Variants in TMEM94 observed in about 807,000 individuals in gnomAD.
TMEM94 encodes transmembrane protein 94, also known as ER Mg2+ ATPase.
In TMEM94, 81 loss-of-function variants were observed where a neutral mutation model predicts 158.6. That is an observed-to-expected ratio of 0.51 (90% confidence interval 0.43 to 0.61). The LOEUF (loss-of-function observed/expected upper bound fraction) is 0.61. Ranked by LOEUF, TMEM94 falls within the 20% of genes least tolerant of loss-of-function variation. The pLI is 0.00. For synonymous variants in TMEM94, 751 were observed against 730.7 expected (o/e 1.03, Z -0.45); for missense variants, 1,435 against 1,762.0 (o/e 0.81, Z 3.32).
intron 2 of TMEM94, among the ~76,000 whole-genome samples, chr17:75,480,344 C>T (rs2051063241): frequency 6.6e-6 from 1 of 152,256 alleles, no homozygotes; most frequent in African/African-American, 2.4e-5. Flanking sequence ...CTTTAATCAC[C>T]AGTCTGGAGC....
At chr17:75,488,172 G>A (rs1327942141) in intron 6 of TMEM94, 38 bp downstream of exon 6, 1 of 1,601,006 alleles carries the variant, frequency 6.2e-7, no homozygotes, top group African/African-American at 1.3e-5. Context: ...GAAATGCGGT[G>A]GGAACATCCA....
rs1289379335 is a variant in TMEM94 at position 75,494,949 on chromosome 17, C to G, written c.2643C>G (p.Leu881=). 1.2e-6 allele frequency: 2 copies of G among 1,613,398 alleles called. No homozygotes were observed. The highest frequency in any genetic ancestry group is 4.5e-5 in the East Asian group (2 of 44,890). Reference sequence around the variant, plus strand: ...CAGGCTGGAACTGCCACATCTCCCTCACACCCAATGGTGACATGCCTGGCT... The same window carrying G: ...CAGGCTGGAACTGCCACATCTCCCTGACACCCAATGGTGACATGCCTGGCT... The part of the protein sequence containing the change: ...LETGWNCHIS[L]TPNGDMPGSE... Residue 881 remains leucine (L), a synonymous_variant, in exon 20 of 32, where the codon CTC becomes CTG. Coordinates refer to ENST00000314256, the MANE Select transcript of TMEM94 (RefSeq NM_014738.6).
At chr17:75,457,111 C>A (rs1212530427) in intron 1 of TMEM94, among the ~76,000 whole-genome samples, 1 of 152,170 alleles carries the variant, frequency 6.6e-6, no homozygotes, top group Non-Finnish European at 1.5e-5. Flanking sequence ...TATTTCGAGG[C>A]CCCTGGGAGT....
chr17:75,465,851 T>C (rs1391510053), intron 1 of TMEM94, among the ~76,000 whole-genome samples: 1 of 151,782 alleles, frequency 6.6e-6, no homozygotes, highest in Non-Finnish European at 1.5e-5. Flanking sequence ...AATTTTTTTA[T>C]GGCATATTTT....
At position 75,491,214 on chromosome 17, in the gene TMEM94, C is replaced by A; in HGVS notation, c.1233+61C>A. On this transcript the variant is annotated intron_variant, in intron 12 of 31. Coordinates refer to ENST00000314256, the MANE Select transcript of TMEM94 (RefSeq NM_014738.6). The surrounding 1 kb of genome is among the most constrained non-coding windows in gnomAD (Gnocchi z 5.1). Reference sequence around the variant, plus strand: ...ATGCCCGCCCTGCTCTCTGGCTGGGCCTGGGCTGCCCACCTGCCGCTTGAG... The same window carrying A: ...ATGCCCGCCCTGCTCTCTGGCTGGGACTGGGCTGCCCACCTGCCGCTTGAG... 1 of 1,596,862 alleles carries A rather than the reference C, an allele frequency of 6.3e-7. No individual in the cohort carries two copies.
At chr17:75,494,592 C>G in intron 18 of TMEM94, 35 bp from the exon 19 acceptor site, 1 of 1,605,390 alleles carries the variant, frequency 6.2e-7, no homozygotes, top group South Asian at 1.1e-5. Flanking sequence ...CCTGGGTGTC[C>G]TGATCGGGCT....
Position 75,491,932 on chromosome 17 carries a change from A to C in TMEM94, c.1596+32A>C, listed in dbSNP as rs1277677298. On this transcript the variant is annotated intron_variant, in intron 14 of 31. Coordinates refer to ENST00000314256, the MANE Select transcript of TMEM94 (RefSeq NM_014738.6). This position sits in a 1 kb window ranked among gnomAD's most constrained non-coding sequence, Gnocchi z 5.1. ...GGAGGGGGTGGCACGGGGCAGCCAC[A>C]CCCTCGGCCACAGGCTGTCCTGGCC... is the stretch of plus-strand genomic sequence containing the variant. 5.1e-6 allele frequency: 8 copies of C among 1,572,752 alleles called. No individual in the cohort carries two copies. The highest frequency in any genetic ancestry group is 6.1e-6 in the Non-Finnish European group (7 of 1,156,660).
chr17:75,473,606 G>C (rs1030580423), intron 2 of TMEM94, among the ~76,000 whole-genome samples: 6 of 152,208 alleles, frequency 3.9e-5, no homozygotes, highest in African/African-American at 1.4e-4. Context: ...GAAGACTTGA[G>C]AACCCAGCTG....
chr17:75,498,277 T>C lies in TMEM94; in HGVS notation c.3592T>C (p.Ser1198Pro). Residue 1198 changes from serine to proline, a missense_variant, in exon 28 of 32, where the codon TCC becomes CCC. Physicochemically the swap from Ser to Pro is moderately conservative, Grantham distance 74. Coordinates refer to ENST00000314256, the MANE Select transcript of TMEM94 (RefSeq NM_014738.6). The surrounding 1 kb of genome is among the most constrained non-coding windows in gnomAD (Gnocchi z 6.7). Reference sequence around the variant, plus strand: ...CACACTGCAGAGCTTCTGTGACAGCTCCCGGGACCGCAACCTCACCAACTG... The same window carrying C: ...CACACTGCAGAGCTTCTGTGACAGCCCCCGGGACCGCAACCTCACCAACTG... ...GFTLQSFCDS[S>P]RDRNLTNCSS... The C allele has an allele frequency of 1.2e-6, 2 of 1,613,486 alleles. No homozygotes were observed. Among genetic ancestry groups the C allele is most frequent in the South Asian group, 2.2e-5 (2 of 91,082 alleles).
chr17:75,494,024 G>A, intron 18 of TMEM94, 108 bp downstream of exon 18: 1 of 1,060,644 alleles, frequency 9.4e-7, no homozygotes. Flanking sequence ...CCACAGCAAA[G>A]GGGGCAGTGG....
Position 75,495,032 on chromosome 17 carries a change from A to C in TMEM94, c.2726A>C (p.Gln909Pro). ...HAGSLHDDLN[Q>P]VSRDDAEGLL... ...GGCTCCCTGCATGATGACCTGAATC[A>C]GGGTAAGGGCAAAGGCGTGGGGTGG... The change falls in exon 20 of 32, where the codon CAG (glutamine) becomes CCG (proline). Residue 909 changes from glutamine (Q) to proline (P), a missense_variant and splice_region_variant. Physicochemically the swap from Gln to Pro is moderately conservative, Grantham distance 76. Coordinates refer to ENST00000314256, the MANE Select transcript of TMEM94 (RefSeq NM_014738.6). This position sits in a 1 kb window ranked among gnomAD's most constrained non-coding sequence, Gnocchi z 5.6. The C allele has an allele frequency of 7.4e-7, 1 of 1,359,632 alleles. No individual in the cohort carries two copies. The highest frequency in any genetic ancestry group is 9.9e-7 in the Non-Finnish European group (1 of 1,012,944). 84.2% of individuals were successfully genotyped at this position (1,359,632 alleles called of 1,614,324 possible).
rs2051561570 is a variant in TMEM94, at chr17:75,485,959, T to C, written c.233T>C (p.Leu78Pro). The change falls in exon 4 of 32, where the codon CTG becomes CCG. Residue 78 changes from leucine (L) to proline (P), a missense_variant. Transcript: ENST00000314256. This position sits in a 1 kb window ranked among gnomAD's most constrained non-coding sequence, Gnocchi z 5.5. ...GCCTCACTCATGCTACTGGCCGTGC[T>C]GCTGCTGCTGGGCTGCTGCGGGGGA... ...PGASLMLLAVLLLLGCCGGQP... is the reference protein window; with the variant it reads ...PGASLMLLAVPLLLGCCGGQP... 2.5e-6 allele frequency: 4 copies of C among 1,613,404 alleles called. No individual in the cohort carries two copies. The highest frequency in any genetic ancestry group is 3.4e-6 in the Non-Finnish European group (4 of 1,179,874).
chr17:75,490,964 T>C, intron 11 of TMEM94, 85 bp from the exon 12 acceptor site: 2 of 1,160,722 alleles, frequency 1.7e-6, no homozygotes, highest in East Asian at 2.4e-5. Context: ...TTCGTGGTGC[T>C]CCCCTGGATT....
chr17:75,465,679 A>ATATATATATATATATATATATTT (rs1247855961), intron 1 of TMEM94, among the ~76,000 whole-genome samples: 3 of 124,818 alleles, frequency 2.4e-5, no homozygotes, highest in African/African-American at 1.1e-4. Context: ...ATATATATAT[A>ATATATATATATATATATATATTT]TTTTTTTTTA....
chr17:75,497,325 T>C (rs1229269006), intron 26 of TMEM94, 127 bp downstream of exon 26: 1 of 645,350 alleles, frequency 1.5e-6, no homozygotes, highest in Non-Finnish European at 2.7e-6. Context: ...ACAGGAGGCA[T>C]GGAGGGAACC....
Position 75,488,881 on chromosome 17 carries a change from C to T in TMEM94, c.735C>T (p.Val245=), listed in dbSNP as rs2051874400. 1.2e-6 allele frequency: 2 copies of T among 1,605,628 alleles called. No individual in the cohort carries two copies. The highest frequency in any genetic ancestry group is 8.5e-7 in the Non-Finnish European group (1 of 1,174,734). The part of the protein sequence containing the change: ...QSPQQHRLFR[V]LETPVIDNIR... ...CCCAGCAGCACCGGCTTTTCCGTGTCCTTGAGACCCCTGTGATTGACAACA... is the reference window on the plus strand; with the variant it reads ...CCCAGCAGCACCGGCTTTTCCGTGTTCTTGAGACCCCTGTGATTGACAACA... The change falls in exon 7 of 32, where the codon GTC becomes GTT. Residue 245 remains valine, a synonymous_variant. Coordinates refer to ENST00000314256, the MANE Select transcript of TMEM94 (RefSeq NM_014738.6).
rs2052583177 is a variant in TMEM94, at chr17:75,495,397, C to T, written c.2842C>T (p.Arg948Trp). ...CCCCAGCTTCCTGGAGGACTCCAAC[C>T]GGGTACGATGGCAGGATCTGTCTCA... ...DIPSFLEDSN[R>W]AKLPRGIHQV... Residue 948 changes from arginine (R) to tryptophan (W), a missense_variant and splice_region_variant, in exon 21 of 32, where the codon CGG (arginine) becomes TGG (tryptophan). Around this residue, in one of 3 missense-constraint regions of TMEM94, gnomAD observed 1,051 missense variants for 1,254.4 expected, o/e 0.84. Transcript: ENST00000314256. This position sits in a 1 kb window ranked among gnomAD's most constrained non-coding sequence, Gnocchi z 5.6. 3 of 1,612,788 alleles carry T rather than the reference C, an allele frequency of 1.9e-6. No individual in the cohort carries two copies. Among genetic ancestry groups the T allele is most frequent in the African/African-American group, 1.3e-5 (1 of 74,900 alleles).
At chr17:75,474,643 A>C (rs1459651415) in intron 2 of TMEM94, among the ~76,000 whole-genome samples, 6 of 152,134 alleles carry the variant, frequency 3.9e-5, no homozygotes, top group African/African-American at 1.4e-4. Context: ...CAGAATCTCT[A>C]AAAAACAAAA....
chr17:75,460,073 G>T (rs1046234079), intron 1 of TMEM94, among the ~76,000 whole-genome samples: 1 of 152,070 alleles, frequency 6.6e-6, no homozygotes, highest in African/African-American at 2.4e-5. Context: ...GGGTCACATG[G>T]CATGACAAGT....
Sources: allele counts gnomAD v4.1 joint callset (sites outside exome capture counted in the v4.1 genomes callset), GRCh38; gene constraint gnomAD v4.1.1; regional missense constraint gnomAD v4.1.1; non-coding constraint Gnocchi (gnomAD v3.1); transcripts MANE v1.5; gene names NCBI Gene and HGNC (gene_info 2026-07-23, HGNC 2026-07-21).